The following GALNT5 variants were observed in gnomAD, a reference collection of about 807,000 sequenced individuals.
The protein encoded by GALNT5 is UDP-GalNAc:polypeptide N-acetylgalactosaminyltransferase 5.
Under a neutral mutation model 85.4 loss-of-function variants are expected in GALNT5, and 72 were observed. The observed-to-expected ratio is 0.84, with a 90% CI of 0.70 to 1.03. The LOEUF (loss-of-function observed/expected upper bound fraction) is 1.03. GALNT5 is among the 50% of genes least tolerant of loss of function. The pLI is 0.00. For missense variants in GALNT5, 1,137 were observed against 1,135.5 expected (o/e 1.00, Z -0.02); for synonymous variants, 404 against 397.0 (o/e 1.02, Z -0.21).
intron 1 of GALNT5, among the ~76,000 whole-genome samples, chr2:157,277,833 T>C (rs1039596097): frequency 5.3e-5 from 8 of 152,246 alleles, no homozygotes; most frequent in African/African-American, 1.9e-4. Flanking sequence ...TTAAGATTGA[T>C]ATTGTTATGT....
chr2:157,258,749 A>T lies in GALNT5; in HGVS notation c.667A>T (p.Ser223Cys). Reference protein sequence around the residue: ...ERDLNVTISLSTDRPKQRSQA... With the variant: ...ERDLNVTISLCTDRPKQRSQA... The stretch of plus-strand genomic sequence containing the variant: ...GGACTTGAATGTGACCATCAGTCTT[A>T]GTACTGATAGACCAAAGCAGCGATC... The change falls in exon 1 of 10, where the codon AGT (serine) becomes TGT (cysteine). Residue 223 changes from serine to cysteine, a missense_variant. Transcript: ENST00000259056. 1 of 1,613,440 alleles carries T rather than the reference A, an allele frequency of 6.2e-7. No individual in the cohort carries two copies. Among genetic ancestry groups the T allele is most frequent in the Non-Finnish European group, 8.5e-7 (1 of 1,179,506 alleles).
At position 157,312,413 on chromosome 2, in the gene GALNT5, A is replaced by G. The variant is rs1683594317; in HGVS notation, c.*1065A>G. On this transcript the variant is annotated 3_prime_UTR_variant, in exon 10 of 10. Transcript: ENST00000259056. ...TGAGGTAAACAAGTCTTAGGAAGAG[A>G]GTTAAGAAAAAATTCCGCTGGACTT... 6.6e-6 allele frequency: 1 copy of G among 152,016 alleles called. No individual in the cohort carries two copies. The highest frequency in any genetic ancestry group is 2.1e-4 in the South Asian group (1 of 4,830). 9.4% of individuals were successfully genotyped at this position (152,016 alleles called of 1,614,324 possible). A position where few individuals can be genotyped will look rare whatever the true frequency, so the allele number is the denominator to read the frequency against.
chr2:157,308,282 C>T (rs1470291827), intron 8 of GALNT5, among the ~76,000 whole-genome samples: 2 of 152,160 alleles, frequency 1.3e-5, no homozygotes, highest in Non-Finnish European at 2.9e-5. Context: ...TTGTAACTAA[C>T]ATTTATTGAA....
rs1682218750 is a variant in GALNT5 at position 157,257,770 on chromosome 2, G to A, written c.-313G>A. Reference sequence around the variant, plus strand: ...ACATGGGCTCCCGGAGACAAGACAAGTGATATGTTGAACTGTTCGGTGGCT... The same window carrying A: ...ACATGGGCTCCCGGAGACAAGACAAATGATATGTTGAACTGTTCGGTGGCT... On this transcript the variant is annotated 5_prime_UTR_variant, in exon 1 of 10. The change creates a new upstream start codon in the 5' untranslated region. Transcript: ENST00000259056. 3.4e-6 allele frequency: 1 copy of A among 293,772 alleles called. No individual in the cohort carries two copies. The highest frequency in any genetic ancestry group is 6.4e-6 in the Non-Finnish European group (1 of 157,070). 18.2% of individuals were successfully genotyped at this position (293,772 alleles called of 1,614,324 possible). A position where few individuals can be genotyped will look rare whatever the true frequency, so the allele number is the denominator to read the frequency against.
At position 157,311,853 on chromosome 2, in the gene GALNT5, G is replaced by A. The variant is rs1337287347; in HGVS notation, c.*505G>A. The A allele has an allele frequency of 6.6e-6, 1 of 152,532 alleles. No individual in the cohort carries two copies. The highest frequency in any genetic ancestry group is 1.5e-5 in the Non-Finnish European group (1 of 68,322). The allele number at this position is 152,532 out of a possible 1,614,324, so 9.4% of individuals were successfully genotyped here. On this transcript the variant is annotated 3_prime_UTR_variant, in exon 10 of 10. Transcript: ENST00000259056. Reference sequence around the variant, plus strand: ...CTGTCACGTTTGTGAAATCCCTCCAGACTACATGCATGCTTACCTAACAGT... The same window carrying A: ...CTGTCACGTTTGTGAAATCCCTCCAAACTACATGCATGCTTACCTAACAGT...
chr2:157,292,698 G>T (rs1339178239), intron 3 of GALNT5, among the ~76,000 whole-genome samples: 2 of 151,816 alleles, frequency 1.3e-5, no homozygotes, highest in East Asian at 3.9e-4. Flanking sequence ...ACCACAAGTA[G>T]AAATCGTATT....
rs1370643252 is a variant in GALNT5 at position 157,318,482 on chromosome 2, TGAAC to T, written c.*7135_*7138del. On this transcript the variant is annotated 3_prime_UTR_variant, in exon 10 of 10. Transcript: ENST00000259056. ...ACCTTTTTGAAATAAATAATGCAAA[TGAAC>T]TAAAATAAAGTGTTCTCTTGATTTC... 2.0e-5 allele frequency: 3 copies of T among 152,146 alleles called. No individual in the cohort carries two copies. The highest frequency in any genetic ancestry group is 4.4e-5 in the Non-Finnish European group (3 of 68,020). 9.4% of individuals were successfully genotyped at this position (152,146 alleles called of 1,614,324 possible).
At chr2:157,282,815 T>C (rs1682884977) in intron 1 of GALNT5, among the ~76,000 whole-genome samples, 1 of 152,208 alleles carries the variant, frequency 6.6e-6, no homozygotes, top group African/African-American at 2.4e-5. Flanking sequence ...TGTGGGTAAG[T>C]CATTTAACTT....
At chr2:157,288,078 T>G (rs1006488920) in intron 3 of GALNT5, among the ~76,000 whole-genome samples, 5 of 152,162 alleles carry the variant, frequency 3.3e-5, no homozygotes, top group African/African-American at 1.2e-4. Flanking sequence ...CCTCTAGACA[T>G]TTAGCCACCA....
chr2:157,290,165 A>G (rs534708209), intron 3 of GALNT5, among the ~76,000 whole-genome samples: 8 of 151,478 alleles, frequency 5.3e-5, no homozygotes, highest in African/African-American at 1.7e-4. Flanking sequence ...ACATGTATAT[A>G]AAAACAGTAA....
intron 1 of GALNT5, 44 bp from the exon 2 acceptor site, chr2:157,284,238 T>A: frequency 6.4e-7 from 1 of 1,562,666 alleles, no homozygotes; most frequent in Non-Finnish European, 8.8e-7. Context: ...ATCTTGTGGA[T>A]CTCCTTAGCA....
chr2:157,266,292 C>T (rs1173734230), intron 1 of GALNT5, among the ~76,000 whole-genome samples: 1 of 152,130 alleles, frequency 6.6e-6, no homozygotes, highest in African/African-American at 2.4e-5. Context: ...GTAATTTGCC[C>T]AAGGCCTCAC....
chr2:157,298,874 C>T (rs1299911759), intron 5 of GALNT5: 2 of 152,290 alleles, frequency 1.3e-5, no homozygotes, highest in Non-Finnish European at 2.9e-5. Flanking sequence ...TCCGTGTTGC[C>T]AATTCCTGAG....
chr2:157,280,957 A>T (rs1682842975), intron 1 of GALNT5, among the ~76,000 whole-genome samples: 1 of 152,112 alleles, frequency 6.6e-6, no homozygotes. Flanking sequence ...CCTCACCAAG[A>T]GCTGAGCAGA....
At chr2:157,260,350 AAT>A (rs1425717539) in intron 1 of GALNT5, among the ~76,000 whole-genome samples, 1 of 152,274 alleles carries the variant, frequency 6.6e-6, no homozygotes, top group Non-Finnish European at 1.5e-5. Flanking sequence ...TTCTCAAGGT[AAT>A]GCAGTTCTAA....
intron 9 of GALNT5, 49 bp from the exon 10 acceptor site, chr2:157,311,159 G>A (rs754193224): frequency 4.1e-6 from 6 of 1,463,128 alleles, no homozygotes; most frequent in Admixed American, 1.9e-5. Context: ...TCATATTGCA[G>A]TTATCAAATT....
intron 1 of GALNT5, among the ~76,000 whole-genome samples, chr2:157,278,349 C>G (rs999329480): frequency 9.2e-5 from 14 of 152,050 alleles, no homozygotes; most frequent in African/African-American, 3.4e-4. Context: ...TCTGTATTTC[C>G]TGAATTTGAA....
rs560879128 is a variant in GALNT5, at chr2:157,314,991, T to C, written c.*3643T>C. 6.6e-6 allele frequency among the ~76,000 whole-genome samples: 1 copy of C among 151,994 alleles called. No individual in the cohort carries two copies. The highest frequency in any genetic ancestry group is 1.5e-5 in the Non-Finnish European group (1 of 68,000). On this transcript the variant is annotated 3_prime_UTR_variant, in exon 10 of 10. Transcript: ENST00000259056. ...TACCTGGGAGGCTGAAGCAGGAGAA[T>C]TGCTTGTACCCGGGAGGTGGAGGTT...
chr2:157,292,144 GTTAAGTAAC>G lies in GALNT5; in HGVS notation c.1742-3515_1742-3507del, dbSNP rs1447196311. Among the ~76,000 whole-genome samples, 5 of 152,282 alleles carry G rather than the reference GTTAAGTAAC, an allele frequency of 3.3e-5. No homozygotes were observed. The East Asian group carries it at 9.7e-4, about 29-fold the overall frequency. On this transcript the variant is annotated intron_variant, in intron 3 of 9. Coordinates refer to ENST00000259056, the MANE Select transcript of GALNT5 (RefSeq NM_014568.3). The stretch of plus-strand genomic sequence containing the variant: ...TCTTCATAGGGCAAAGCTCAAAAAA[GTTAAGTAAC>G]TTATCTAACCTGGCTAGGAAAAGCA...
Sources: allele counts gnomAD v4.1 joint callset (sites outside exome capture counted in the v4.1 genomes callset), GRCh38; gene constraint gnomAD v4.1.1; transcripts MANE v1.5; gene names NCBI Gene and HGNC (gene_info 2026-07-23, HGNC 2026-07-21).